Variants in RNF228 observed in about 807,000 individuals in gnomAD.
The protein encoded by RNF228 is ring finger protein 228.
the RNF228 span, chr2:222,318,589 A>C: frequency 6.6e-6 from 1 of 152,390 alleles, no homozygotes; most frequent in Admixed American, 6.5e-5. Context: ...CTGCACCTTT[A>C]AAGAAACTCT....
chr2:222,318,537 T>C, the RNF228 span: 1 of 152,216 alleles, frequency 6.6e-6, no homozygotes, highest in South Asian at 2.1e-4. Flanking sequence ...GCAATTCAAG[T>C]CCATTCACAG....
the RNF228 span, among the ~76,000 whole-genome samples, chr2:222,315,078 A>T: frequency 5.4e-5 from 8 of 148,528 alleles, no homozygotes; most frequent in African/African-American, 1.7e-4. Context: ...TGCCATAAGT[A>T]TTTTTTTTTT....
At chr2:222,316,167 C>T in the RNF228 span, among the ~76,000 whole-genome samples, 5 of 152,290 alleles carry the variant, frequency 3.3e-5, no homozygotes, top group African/African-American at 4.8e-5. Flanking sequence ...GGTGTTTCCA[C>T]GTAAATATAA....
chr2:222,319,270 C>T, the RNF228 span: 1 of 338,308 alleles, frequency 3.0e-6, no homozygotes, highest in Non-Finnish European at 5.4e-6. This position sits in a 1 kb window ranked among gnomAD's most constrained non-coding sequence, Gnocchi z 7.6. Context: ...GCCCCGCCTC[C>T]GGGGGTTCCC....
the RNF228 span, among the ~76,000 whole-genome samples, chr2:222,314,993 G>C: frequency 4.4e-4 from 67 of 152,060 alleles, no homozygotes; most frequent in East Asian, 0.013. Context: ...TCTCTCTAGC[G>C]GTTCCTATCG....
At chr2:222,314,839 G>T in the RNF228 span, among the ~76,000 whole-genome samples, 2 of 152,182 alleles carry the variant, frequency 1.3e-5, no homozygotes, top group African/African-American at 4.8e-5. Flanking sequence ...TTCTCATGTT[G>T]GAAATTCCAC....
chr2:222,319,545 GGCGCGGGCAGGC>G, the RNF228 span, among the ~76,000 whole-genome samples: 1 of 145,690 alleles, frequency 6.9e-6, no homozygotes, highest in Non-Finnish European at 1.5e-5. The surrounding 1 kb of genome is among the most constrained non-coding windows in gnomAD (Gnocchi z 7.6). Flanking sequence ...GGCAGCAGCG[GGCGCGGGCAGGC>G]GCGCGGGCAG....
At chr2:222,320,138 C>T in the RNF228 span, among the ~76,000 whole-genome samples, 15 of 152,022 alleles carry the variant, frequency 9.9e-5, no homozygotes, top group Non-Finnish European at 1.6e-4. Context: ...GGGCTCCGGG[C>T]GGGGAGGAGG....
chr2:222,319,075 GGCC>G, the RNF228 span: 129 of 173,600 alleles, frequency 7.4e-4, no homozygotes, highest in Middle Eastern at 2.4e-3. This position sits in a 1 kb window ranked among gnomAD's most constrained non-coding sequence, Gnocchi z 7.6. Context: ...CGTGCCCTCG[GGCC>G]GCCGCCGCCG....
chr2:222,319,020 T>C, the RNF228 span: 4,969 of 154,974 alleles, frequency 0.032, 269 homozygotes, highest in African/African-American at 0.11. This position sits in a 1 kb window ranked among gnomAD's most constrained non-coding sequence, Gnocchi z 7.6. Context: ...TTCCGCGGCG[T>C]GGCCCGGCTA....
chr2:222,318,013 T>C, the RNF228 span: 1 of 152,194 alleles, frequency 6.6e-6, no homozygotes, highest in South Asian at 2.1e-4. Flanking sequence ...GATTTATATA[T>C]TCAAAAATAA....
chr2:222,314,913 G>A, the RNF228 span, among the ~76,000 whole-genome samples: 1 of 152,198 alleles, frequency 6.6e-6, no homozygotes, highest in South Asian at 2.1e-4. Context: ...ATGTAGACAT[G>A]TTCACAAAGA....
the RNF228 span, chr2:222,319,431 G>C: frequency 4.5e-6 from 1 of 220,142 alleles, no homozygotes. The surrounding 1 kb of genome is among the most constrained non-coding windows in gnomAD (Gnocchi z 7.6). Context: ...GCGCAGGCCG[G>C]GGCGGGCTCG....
the RNF228 span, among the ~76,000 whole-genome samples, chr2:222,315,287 C>A: frequency 7.9e-5 from 12 of 152,252 alleles, no homozygotes; most frequent in East Asian, 1.9e-4. Context: ...CTTTGCAGAT[C>A]AAATGGATGA....
the RNF228 span, among the ~76,000 whole-genome samples, chr2:222,316,632 A>ATG: frequency 1.3e-5 from 2 of 152,212 alleles, no homozygotes; most frequent in Non-Finnish European, 2.9e-5. Context: ...TAAAAAACTC[A>ATG]TGTGTGTGTA....
chr2:222,319,341 A>AAGG, the RNF228 span: 1 of 355,042 alleles, frequency 2.8e-6, no homozygotes, highest in Non-Finnish European at 5.1e-6. This position sits in a 1 kb window ranked among gnomAD's most constrained non-coding sequence, Gnocchi z 7.6. Context: ...CATGGAGAGG[A>AAGG]AGGAGAAGAC....
At chr2:222,320,109 TC>T in the RNF228 span, among the ~76,000 whole-genome samples, 1 of 151,914 alleles carries the variant, frequency 6.6e-6, no homozygotes, top group East Asian at 2.0e-4. Context: ...GGTGCCTTCC[TC>T]CCCCTGCACC....
At chr2:222,316,861 C>T in the RNF228 span, among the ~76,000 whole-genome samples, 3 of 152,102 alleles carry the variant, frequency 2.0e-5, no homozygotes, top group Non-Finnish European at 4.4e-5. Context: ...AAACACAAGA[C>T]ATGGGGGTAT....
At chr2:222,315,522 T>C in the RNF228 span, among the ~76,000 whole-genome samples, 1 of 152,106 alleles carries the variant, frequency 6.6e-6, no homozygotes, top group Non-Finnish European at 1.5e-5. Flanking sequence ...AAAAGCAAGG[T>C]CCATATAGGG....
Sources: gnomAD v4.1 joint callset for allele counts (sites outside exome capture counted in the v4.1 genomes callset) on GRCh38, gnomAD v4.1.1 for gene constraint, Gnocchi (gnomAD v3.1) non-coding constraint, MANE v1.5 for transcripts, NCBI Gene and HGNC (gene_info 2026-07-23, HGNC 2026-07-21) for gene names.